CDC42BPA: variants seen among roughly 807,000 people sequenced by gnomAD.
The protein encoded by CDC42BPA is serine/threonine-protein kinase MRCK alpha.
Under a neutral mutation model 223.5 loss-of-function variants are expected in CDC42BPA, and 80 were observed. The ratio of observed to expected loss-of-function variants is 0.36; its 90% confidence interval spans 0.30 to 0.43. The LOEUF is 0.43. CDC42BPA is among the 20% of genes least tolerant of loss of function. CDC42BPA has a pLI of 1.00. For synonymous variants in CDC42BPA, 694 were observed against 718.6 expected, an observed-to-expected ratio of 0.97 and a Z score of 0.55; for missense variants, 1,743 against 2,099.9, an observed-to-expected ratio of 0.83 and a Z score of 3.32.
intron 35 of CDC42BPA, among the ~76,000 whole-genome samples, chr1:226,999,392 G>A (rs1662308943): frequency 6.6e-6 from 1 of 152,060 alleles, no homozygotes; most frequent in Non-Finnish European, 1.5e-5. Flanking sequence ...TAGCAAGGAT[G>A]GTCTCGATCT....
intron 3 of CDC42BPA, among the ~76,000 whole-genome samples, chr1:227,206,830 G>A (rs1225405691): frequency 1.3e-5 from 2 of 151,994 alleles, no homozygotes; most frequent in African/African-American, 4.8e-5. Context: ...CTTGGGCATG[G>A]TATATAATTC....
chr1:227,222,052 C>CAAAAAA (rs60588018), intron 2 of CDC42BPA, among the ~76,000 whole-genome samples: 1 of 86,496 alleles, frequency 1.2e-5, no homozygotes, highest in African/African-American at 4.3e-5. Flanking sequence ...CTATCTCTAC[C>CAAAAAA]AAAAAAAAAA....
intron 16 of CDC42BPA, 45 bp downstream of exon 16, chr1:227,091,841 C>A: frequency 2.9e-6 from 3 of 1,022,036 alleles, no homozygotes; most frequent in Non-Finnish European, 4.4e-6. Context: ...CAGTGTTGAA[C>A]ATCTAGCATG....
chr1:227,228,335 T>C (rs971689910), intron 2 of CDC42BPA, among the ~76,000 whole-genome samples: 1 of 152,246 alleles, frequency 6.6e-6, no homozygotes, highest in African/African-American at 2.4e-5. Flanking sequence ...GGCTCATTCA[T>C]ATTGTAGCAT....
intron 1 of CDC42BPA, among the ~76,000 whole-genome samples, chr1:227,312,017 G>A (rs59596249): frequency 0.31 from 46,779 of 152,022 alleles, 7,374 homozygotes; most frequent in East Asian, 0.37. Flanking sequence ...CACCTACACT[G>A]AAGTATTTCA....
chr1:227,179,516 G>C (rs1333532408), intron 5 of CDC42BPA, among the ~76,000 whole-genome samples: 2 of 150,480 alleles, frequency 1.3e-5, no homozygotes, highest in Non-Finnish European at 3.0e-5. Context: ...GGCACCTGTA[G>C]TCCCAGCTAC....
chr1:227,159,850 G>A (rs991757479), intron 6 of CDC42BPA, among the ~76,000 whole-genome samples: 7 of 151,664 alleles, frequency 4.6e-5, no homozygotes, highest in Admixed American at 3.3e-4. Context: ...GGCTCTGGGG[G>A]AGTGAGGGGG....
intron 32 of CDC42BPA, among the ~76,000 whole-genome samples, chr1:227,018,377 GCAAAACACAGAAAAAGAAA>G (rs1459338759): frequency 6.6e-6 from 1 of 152,132 alleles, no homozygotes; most frequent in African/African-American, 2.4e-5. Flanking sequence ...GATGGAGAAA[GCAAAACACAGAAAAAGAAA>G]GGACCTCTTG....
chr1:227,265,618 G>A (rs1441392559), intron 1 of CDC42BPA, among the ~76,000 whole-genome samples: 7 of 148,928 alleles, frequency 4.7e-5, no homozygotes, highest in African/African-American at 1.7e-4. Flanking sequence ...ACGACAGAGC[G>A]AGACTCCGTC....
intron 14 of CDC42BPA, among the ~76,000 whole-genome samples, chr1:227,105,030 T>G (rs962469655): frequency 1.3e-5 from 2 of 152,208 alleles, no homozygotes. Context: ...TTAAAAATTT[T>G]TTTTATTGAA....
chr1:226,993,993 G>A lies in CDC42BPA; in HGVS notation c.*275C>T, dbSNP rs1661070841. The A allele has an allele frequency of 2.8e-6, 1 of 356,574 alleles. No individual in the cohort carries two copies. The highest frequency in any genetic ancestry group is 5.2e-6 in the Non-Finnish European group (1 of 192,602). The allele number at this position is 356,574 out of a possible 1,614,324, so 22.1% of individuals were successfully genotyped here. ...CTGTCTATTTAAGCTACCTTTGGGA[G>A]TAGGGGTAAAATGTTACTGAAAGCA... On this transcript the variant is annotated 3_prime_UTR_variant, in exon 37 of 37. Transcript: ENST00000366766.
At chr1:227,106,002 T>C (rs1473229131) in intron 14 of CDC42BPA, among the ~76,000 whole-genome samples, 1 of 152,216 alleles carries the variant, frequency 6.6e-6, no homozygotes, top group Non-Finnish European at 1.5e-5. Context: ...TTTGACTTTT[T>C]GAGGAACCAC....
chr1:227,044,675 T>C (rs2148807179), intron 23 of CDC42BPA, among the ~76,000 whole-genome samples: 1 of 152,310 alleles, frequency 6.6e-6, no homozygotes, highest in Non-Finnish European at 1.5e-5. Flanking sequence ...CCTGCTATGG[T>C]AGAGAAGGAT....
At chr1:227,019,890 T>C (rs896366246) in intron 32 of CDC42BPA, among the ~76,000 whole-genome samples, 3 of 151,878 alleles carry the variant, frequency 2.0e-5, no homozygotes, top group African/African-American at 7.3e-5. Flanking sequence ...CAGAGTAGAG[T>C]TACCATAATT....
chr1:227,147,508 G>A lies in CDC42BPA; in HGVS notation c.745C>T (p.Leu249Phe). 1 of 1,613,166 alleles carries A rather than the reference G, an allele frequency of 6.2e-7. No homozygotes were observed. Among genetic ancestry groups the A allele is most frequent in the Non-Finnish European group, 8.5e-7 (1 of 1,179,524 alleles). The change falls in exon 7 of 37, where the codon CTT (leucine) becomes TTT (phenylalanine). Residue 249 changes from leucine (L) to phenylalanine (F), a missense_variant. By Grantham distance (22) the Leu-to-Phe change is conservative. This residue lies in a region of CDC42BPA where 321 missense variants were observed against 488.7 expected (regional missense o/e 0.66). Transcript: ENST00000366766. ...CCTTTTCCATCTTCCATGGCTTGAAGGATTTCAGGAGAGATATAATCTGGA... is the reference window on the plus strand; with the variant it reads ...CCTTTTCCATCTTCCATGGCTTGAAAGATTTCAGGAGAGATATAATCTGGA... ...GTPDYISPEI[L>F]QAMEDGKGRY...
intron 2 of CDC42BPA, among the ~76,000 whole-genome samples, chr1:227,231,426 A>C (rs1453870864): frequency 6.6e-6 from 1 of 152,112 alleles, no homozygotes; most frequent in South Asian, 2.1e-4. Flanking sequence ...TATTGTGAAT[A>C]GTGCCACAAT....
At chr1:227,132,521 A>G (rs1657376431) in intron 10 of CDC42BPA, among the ~76,000 whole-genome samples, 2 of 138,062 alleles carry the variant, frequency 1.4e-5, no homozygotes, top group Admixed American at 1.4e-4. Flanking sequence ...CCTCCCAAAG[A>G]GCCGAGATTG....
intron 1 of CDC42BPA, among the ~76,000 whole-genome samples, chr1:227,285,357 T>C (rs1688648550): frequency 6.6e-6 from 1 of 152,230 alleles, no homozygotes; most frequent in Non-Finnish European, 1.5e-5. Context: ...TTTGGATGCA[T>C]ATATCAAGTT....
In CDC42BPA at chr1:227,112,783, T is replaced by C. The variant is rs1175630670; in HGVS notation, c.1778A>G (p.Lys593Arg). The change falls in exon 13 of 37, where the codon AAA becomes AGA. Residue 593 changes from lysine to arginine, a missense_variant. Physicochemically the swap from Lys to Arg is conservative, Grantham distance 26 (BLOSUM62 2). Coordinates refer to ENST00000366766, the MANE Select transcript of CDC42BPA (RefSeq NM_001394014.1). ...NERLTELHTQKQKLARHVRDK... is the reference protein window; with the variant it reads ...NERLTELHTQRQKLARHVRDK... Reference sequence around the variant, plus strand: ...TCGGACATGGCGAGCAAGTTTCTGTTTTTGGGTGTGCAATTCTGTTAGCCG... The same window carrying C: ...TCGGACATGGCGAGCAAGTTTCTGTCTTTGGGTGTGCAATTCTGTTAGCCG... 1 of 1,614,056 alleles carries C rather than the reference T, an allele frequency of 6.2e-7. No individual in the cohort carries two copies. Among genetic ancestry groups the C allele is most frequent in the Non-Finnish European group, 8.5e-7 (1 of 1,179,984 alleles).
Sources: gnomAD v4.1 joint callset for allele counts (sites outside exome capture counted in the v4.1 genomes callset) on GRCh38, gnomAD v4.1.1 for gene constraint, gnomAD v4.1.1 regional missense constraint, MANE v1.5 for transcripts, NCBI Gene and HGNC (gene_info 2026-07-23, HGNC 2026-07-21) for gene names.